The following CTBP2 variants were observed in gnomAD, a reference collection of about 807,000 sequenced individuals.
CTBP2 encodes the protein C-terminal binding protein 2.
In CTBP2, 30 loss-of-function variants were observed where a neutral mutation model predicts 80.3. The ratio of observed to expected loss-of-function variants is 0.37; its 90% CI spans 0.28 to 0.51. CTBP2 has a LOEUF of 0.51. CTBP2 is among the 20% of genes least tolerant of loss of function. The pLI is 0.93. For missense variants in CTBP2, 1,212 were observed against 1,375.3 expected (o/e 0.88, Z 1.88); for synonymous variants, 594 against 587.4 (o/e 1.01, Z -0.16).
At chr10:125,048,916 T>G (rs1199702223) in intron 2 of CTBP2, among the ~76,000 whole-genome samples, 1 of 152,160 alleles carries the variant, frequency 6.6e-6, no homozygotes, top group African/African-American at 2.4e-5. Context: ...TCTTAAGATA[T>G]ACAACTTTTT....
In CTBP2 at chr10:125,143,128, C is replaced by G. The variant is rs534454211; in HGVS notation, c.-206+17191G>C. Among the ~76,000 whole-genome samples, 8 of 152,294 alleles carry G rather than the reference C, an allele frequency of 5.3e-5. No homozygotes were observed. The South Asian group carries it at 6.2e-4, about 12-fold the overall frequency. On this transcript the variant is annotated intron_variant, in intron 1 of 10. Coordinates refer to the CTBP2 transcript ENST00000337195. ...TTCTTCCCTGTAGCCCGGCAGCCCCCCCACGACATCCCGCACACAGTAGGG... is the reference window on the plus strand; with the variant it reads ...TTCTTCCCTGTAGCCCGGCAGCCCCGCCACGACATCCCGCACACAGTAGGG...
At position 125,026,138 on chromosome 10, in the gene CTBP2, A is replaced by G. The variant is rs779499687; in HGVS notation, c.1622T>C (p.Val541Ala). Residue 541 changes from valine to alanine, a missense_variant, in exon 1 of 9, where the codon GTG (valine) becomes GCG (alanine). Coordinates refer to ENST00000309035, the MANE Select transcript of CTBP2 (RefSeq NM_022802.3). ...GATGGGTGCCCCTGTGCGCCGGGCC[A>G]CCTTCTGGTACGGTGAGTGAGGCGT... 2 of 1,599,738 alleles carry G rather than the reference A, an allele frequency of 1.3e-6. No individual in the cohort carries two copies. The highest frequency in any genetic ancestry group is 8.6e-7 in the Non-Finnish European group (1 of 1,169,456).
At chr10:125,025,204 G>A (rs534528005) in intron 1 of CTBP2, among the ~76,000 whole-genome samples, 7 of 152,262 alleles carry the variant, frequency 4.6e-5, no homozygotes, top group Admixed American at 1.3e-4. Context: ...GGAGGCTGGC[G>A]GGGAGGAAAG....
intron 2 of CTBP2, among the ~76,000 whole-genome samples, chr10:125,045,973 C>A (rs543714399): frequency 6.6e-6 from 1 of 152,052 alleles, no homozygotes; most frequent in African/African-American, 2.4e-5. Context: ...AGGGCTGATG[C>A]AATGCAGGAA....
chr10:125,042,133 G>GTAGCCTCAATCCTC (rs1960012261), intron 2 of CTBP2, among the ~76,000 whole-genome samples: 1 of 152,166 alleles, frequency 6.6e-6, no homozygotes, highest in Non-Finnish European at 1.5e-5. Flanking sequence ...ATTGACTTGT[G>GTAGCCTCAATCCTC]TAGCCTCAAT....
chr10:125,004,996 G>A (rs147094955), intron 1 of CTBP2, among the ~76,000 whole-genome samples: 1,799 of 151,316 alleles, frequency 0.012, 19 homozygotes, highest in Middle Eastern at 0.021. Context: ...CCCCAGCCAC[G>A]GGGGGGCTCC....
At chr10:125,140,311 C>T (rs944998413) in intron 1 of CTBP2, among the ~76,000 whole-genome samples, 1 of 151,906 alleles carries the variant, frequency 6.6e-6, no homozygotes, top group Non-Finnish European at 1.5e-5. Context: ...ATACAAGATG[C>T]ACCGAGATCA....
chr10:125,148,791 C>T (rs1409834960), intron 1 of CTBP2, among the ~76,000 whole-genome samples: 1 of 152,236 alleles, frequency 6.6e-6, no homozygotes, highest in African/African-American at 2.4e-5. Context: ...GACATCACTG[C>T]AGACACAATT....
At position 124,986,527 on chromosome 10, in the gene CTBP2, G is replaced by T. The variant is rs1371093002; in HGVS notation, c.*2991C>A. The T allele has an allele frequency of 1.3e-5, 2 of 152,126 alleles. No homozygotes were observed. Among genetic ancestry groups the T allele is most frequent in the Admixed American group, 1.3e-4 (2 of 15,276 alleles). 9.4% of individuals were successfully genotyped at this position (152,126 alleles called of 1,614,324 possible). A position where few individuals can be genotyped will look rare whatever the true frequency, so the allele number is the denominator to read the frequency against. The stretch of plus-strand genomic sequence containing the variant: ...TAAAAAGGTGTTCCCAGGATGAAAA[G>T]ATCATTTTTTGCTGCATGCTAAATC... On this transcript the variant is annotated 3_prime_UTR_variant, in exon 9 of 9. Transcript: ENST00000309035.
chr10:125,012,726 G>A (rs530581500), intron 1 of CTBP2, among the ~76,000 whole-genome samples: 4 of 152,082 alleles, frequency 2.6e-5, no homozygotes, highest in East Asian at 3.9e-4. Flanking sequence ...TGCAACCTCC[G>A]CCTCCTGGGC....
intron 1 of CTBP2, among the ~76,000 whole-genome samples, chr10:125,149,525 CAG>C (rs1410420063): frequency 1.3e-5 from 2 of 152,216 alleles, no homozygotes; most frequent in African/African-American, 4.8e-5. Context: ...ATCCACAAGA[CAG>C]AGCAGAATCC....
At chr10:125,043,808 A>G (rs2135072618) in intron 2 of CTBP2, among the ~76,000 whole-genome samples, 1 of 152,364 alleles carries the variant, frequency 6.6e-6, no homozygotes, top group African/African-American at 2.4e-5. Flanking sequence ...TTATAGAGTA[A>G]GTGCATGCCT....
At chr10:125,065,956 C>T (rs1844556810) in intron 2 of CTBP2, among the ~76,000 whole-genome samples, 2 of 151,982 alleles carry the variant, frequency 1.3e-5, no homozygotes, top group Admixed American at 6.6e-5. Flanking sequence ...CAAAAATTAG[C>T]CTGGCTTGGT....
chr10:124,985,213 A>G lies in CTBP2; in HGVS notation c.*4305T>C, dbSNP rs1952006502. ...TGGACTACAGTTTGTAAAAAAAACT[A>G]ATTTTATTAAGACAGAACTTTTTTT... On this transcript the variant is annotated 3_prime_UTR_variant, in exon 9 of 9. Coordinates refer to ENST00000309035, the MANE Select transcript of CTBP2 (RefSeq NM_022802.3). 2.2e-6 allele frequency: 1 copy of G among 459,670 alleles called. No homozygotes were observed. Among genetic ancestry groups the G allele is most frequent in the South Asian group, 4.9e-5 (1 of 20,258 alleles). 28.5% of individuals were successfully genotyped at this position (459,670 alleles called of 1,614,324 possible). A position where few individuals can be genotyped will look rare whatever the true frequency, so the allele number is the denominator to read the frequency against.
intron 1 of CTBP2, among the ~76,000 whole-genome samples, chr10:125,130,931 G>A (rs1242045081): frequency 1.3e-5 from 2 of 152,172 alleles, no homozygotes; most frequent in Non-Finnish European, 2.9e-5. Context: ...TATCGCCTCC[G>A]ACCCACTGTA....
intron 2 of CTBP2, among the ~76,000 whole-genome samples, chr10:125,093,277 C>G (rs1152672): frequency 0.032 from 4,820 of 152,266 alleles, 245 homozygotes; most frequent in African/African-American, 0.11. Context: ...AGGAACCCTG[C>G]GGCCCACAAG....
intron 1 of CTBP2, among the ~76,000 whole-genome samples, chr10:125,119,141 T>A (rs554930770): frequency 4.6e-5 from 7 of 152,170 alleles, no homozygotes; most frequent in Non-Finnish European, 1.0e-4. Flanking sequence ...ATATTTACTA[T>A]AGGCCCTACA....
At chr10:125,125,522 G>A (rs373005137) in intron 1 of CTBP2, among the ~76,000 whole-genome samples, 5 of 152,118 alleles carry the variant, frequency 3.3e-5, no homozygotes, top group Admixed American at 2.0e-4. Flanking sequence ...AAACATCCCC[G>A]CTGGAACTTA....
At chr10:125,020,770 C>T (rs1047839299) in intron 1 of CTBP2, among the ~76,000 whole-genome samples, 2 of 152,222 alleles carry the variant, frequency 1.3e-5, no homozygotes, top group African/African-American at 4.8e-5. Context: ...AGCCAGCTGA[C>T]ACCAAGCATC....
Sources: gnomAD v4.1 joint callset for allele counts (sites outside exome capture counted in the v4.1 genomes callset) on GRCh38, gnomAD v4.1.1 for gene constraint, MANE v1.5 for transcripts, NCBI Gene and HGNC (gene_info 2026-07-23, HGNC 2026-07-21) for gene names.